PDGFC: variants seen among roughly 807,000 people sequenced by gnomAD.
PDGFC encodes the protein platelet-derived growth factor C.
A neutral mutation model predicts 35.5 loss-of-function variants in PDGFC; 12 were observed. The observed-to-expected ratio is 0.34, with a 90% CI of 0.22 to 0.55. PDGFC has a LOEUF of 0.55. Among genes scored for constraint, PDGFC ranks in the 20% least tolerant of loss-of-function variants. The probability of loss-of-function intolerance (pLI) is 0.91; values close to 1 mark genes in which losing one functional copy is unlikely to be tolerated. For missense variants in PDGFC, 322 were observed against 412.4 expected (o/e 0.78, Z 1.90); for synonymous variants, 159 against 148.8 (o/e 1.07, Z -0.50).
chr4:156,893,664 A>G (rs1341962261), intron 1 of PDGFC, among the ~76,000 whole-genome samples: 1 of 149,692 alleles, frequency 6.7e-6, no homozygotes, highest in South Asian at 2.1e-4. Flanking sequence ...ATCACTCATT[A>G]CCATCAAAAA....
intron 1 of PDGFC, among the ~76,000 whole-genome samples, chr4:156,902,024 G>A (rs1264724759): frequency 2.0e-5 from 3 of 152,192 alleles, no homozygotes; most frequent in African/African-American, 7.2e-5. Flanking sequence ...AGCAGGATGG[G>A]TTGGGTTGAG....
intron 1 of PDGFC, chr4:156,861,374 T>C (rs1729706071): frequency 1.7e-6 from 1 of 605,726 alleles, no homozygotes; most frequent in Non-Finnish European, 2.6e-6. Context: ...TACAACAGTT[T>C]CTGATAAGAA....
chr4:156,796,846 A>T (rs1320534431), intron 3 of PDGFC, among the ~76,000 whole-genome samples: 2 of 152,148 alleles, frequency 1.3e-5, no homozygotes, highest in Admixed American at 1.3e-4. Flanking sequence ...AACTTAATAT[A>T]AACTTATAGA....
At chr4:156,848,907 C>G (rs1729388126) in intron 2 of PDGFC, among the ~76,000 whole-genome samples, 1 of 152,088 alleles carries the variant, frequency 6.6e-6, no homozygotes. Context: ...GCTAATAATA[C>G]TCCAGTGACT....
chr4:156,776,954 G>A (rs987697971), intron 3 of PDGFC, among the ~76,000 whole-genome samples: 4 of 151,966 alleles, frequency 2.6e-5, no homozygotes, highest in African/African-American at 9.7e-5. Context: ...GATACAAGAG[G>A]GTCCAATACA....
At position 156,767,714 on chromosome 4, in the gene PDGFC, T is replaced by C. The variant is rs147394213; in HGVS notation, c.921+59A>G. ...AAACATAAACGCATTTCAGATTCAC[T>C]GTTTTGTTCTAAGACATAAAATACC... On this transcript the variant is annotated intron_variant, in intron 5 of 5. Coordinates refer to ENST00000502773, the MANE Select transcript of PDGFC (RefSeq NM_016205.3). The C allele has an allele frequency of 2.1e-4, 220 of 1,029,628 alleles. No individual in the cohort carries two copies. In the African/African-American group the frequency reaches 3.2e-3, roughly 15 times the overall value. The allele number at this position is 1,029,628 out of a possible 1,614,324, so 63.8% of individuals were successfully genotyped here. A position where few individuals can be genotyped will look rare whatever the true frequency, so the allele number is the denominator to read the frequency against.
intron 1 of PDGFC, among the ~76,000 whole-genome samples, chr4:156,962,926 A>G (rs1732376052): frequency 6.6e-6 from 1 of 152,166 alleles, no homozygotes; most frequent in Admixed American, 6.5e-5. Context: ...ACTACCCTCT[A>G]AAATGCATCT....
Position 156,850,882 on chromosome 4 carries a change from T to A in PDGFC, c.119-466A>T, listed in dbSNP as rs1420903853. ...TATTCAAAGATTTGCATTAATTTTA[T>A]ATATGGCAAAATAAGAAGGGTATTA... On this transcript the variant is annotated intron_variant, in intron 1 of 5. Transcript: ENST00000502773. Among the ~76,000 whole-genome samples the A allele has an allele frequency of 2.6e-5, 4 of 152,332 alleles. No homozygotes were observed. The East Asian group carries it at 7.7e-4, about 29-fold the overall frequency.
chr4:156,787,519 A>G (rs1210132149), intron 3 of PDGFC, among the ~76,000 whole-genome samples: 1 of 152,192 alleles, frequency 6.6e-6, no homozygotes, highest in Admixed American at 6.5e-5. Context: ...GTTGCTGAGA[A>G]GAGAGGAGAC....
intron 2 of PDGFC, among the ~76,000 whole-genome samples, chr4:156,848,305 A>G (rs75854886): frequency 0.06 from 9,046 of 151,970 alleles, 893 homozygotes; most frequent in African/African-American, 0.21. Flanking sequence ...AAATTTTTGT[A>G]TATTGTTGGG....
chr4:156,968,226 A>G (rs1270398188), intron 1 of PDGFC, among the ~76,000 whole-genome samples: 5 of 152,166 alleles, frequency 3.3e-5, no homozygotes, highest in Admixed American at 6.5e-5. Context: ...AATACTCAAG[A>G]AAAGAGAGTA....
chr4:156,818,541 G>A (rs1212565524), intron 2 of PDGFC, among the ~76,000 whole-genome samples: 2 of 68,234 alleles, frequency 2.9e-5, no homozygotes, highest in African/African-American at 5.7e-5. Context: ...TTTTTTTTGA[G>A]ACGGAGTCTC....
chr4:156,967,439 A>G (rs144995951), intron 1 of PDGFC: 2 of 152,328 alleles, frequency 1.3e-5, no homozygotes, highest in Non-Finnish European at 2.9e-5. Flanking sequence ...AACACATACA[A>G]TAACTGATGT....
intron 3 of PDGFC, among the ~76,000 whole-genome samples, chr4:156,786,005 C>A (rs901500230): frequency 6.6e-6 from 1 of 152,150 alleles, no homozygotes. Context: ...CTAAAACTTT[C>A]ATTGCTTCAG....
intron 1 of PDGFC, among the ~76,000 whole-genome samples, chr4:156,905,551 T>A (rs1021851296): frequency 2.0e-5 from 3 of 152,108 alleles, no homozygotes; most frequent in Non-Finnish European, 4.4e-5. Flanking sequence ...TACCCAAGCC[T>A]GTGATTTCAA....
chr4:156,783,931 A>T (rs1244675603), intron 3 of PDGFC, among the ~76,000 whole-genome samples: 1 of 152,142 alleles, frequency 6.6e-6, no homozygotes, highest in Non-Finnish European at 1.5e-5. Context: ...GAGAGAAGAG[A>T]TATGCTTAAT....
rs74749576 is a variant in PDGFC at position 156,771,694 on chromosome 4, G to A, written c.703+992C>T. Among the ~76,000 whole-genome samples the A allele has an allele frequency of 6.5e-3, 982 of 152,226 alleles. 5 individuals carry two copies. The highest frequency in any genetic ancestry group is 0.012 in the Admixed American group (183 of 15,274). ...CTTAGAGCAGGAAAGGGCAGGAATC[G>A]GGTTTCCTTCTGACAAGGTTTAGAA... On this transcript the variant is annotated intron_variant, in intron 4 of 5. Transcript: ENST00000502773.
At chr4:156,947,059 C>T (rs2110925963) in intron 1 of PDGFC, among the ~76,000 whole-genome samples, 1 of 152,078 alleles carries the variant, frequency 6.6e-6, no homozygotes, top group South Asian at 2.1e-4. Context: ...CATTACAAAC[C>T]TCAAATGACA....
intron 2 of PDGFC, among the ~76,000 whole-genome samples, chr4:156,843,857 A>G (rs1308232553): frequency 1.3e-5 from 2 of 152,140 alleles, no homozygotes; most frequent in Admixed American, 6.6e-5. Context: ...CTTGCCAAGG[A>G]CAATAACTTT....
Sources: gnomAD v4.1 joint callset for allele counts (sites outside exome capture counted in the v4.1 genomes callset) on GRCh38, gnomAD v4.1.1 for gene constraint, MANE v1.5 for transcripts, NCBI Gene and HGNC (gene_info 2026-07-23, HGNC 2026-07-21) for gene names.